Variants in CLIC4 observed in about 807,000 individuals in gnomAD.
CLIC4 encodes the protein chloride intracellular channel protein 4.
CLIC4 carries 13 observed loss-of-function variants against 24.6 expected under a neutral mutation model. That is an observed-to-expected ratio of 0.53 (90% CI 0.34 to 0.84). The LOEUF is 0.84. Ranked by LOEUF, CLIC4 falls within the 40% of genes least tolerant of loss-of-function variation. The pLI, the probability that CLIC4 is intolerant of heterozygous loss-of-function variation, is 0.01. For missense variants in CLIC4, 227 were observed against 301.7 expected (o/e 0.75, Z 1.83); for synonymous variants, 104 against 111.3 (o/e 0.93, Z 0.41).
At chr1:24,787,024 G>T (rs1639275668) in intron 1 of CLIC4, among the ~76,000 whole-genome samples, 1 of 151,918 alleles carries the variant, frequency 6.6e-6, no homozygotes, top group Non-Finnish European at 1.5e-5. Context: ...AGGCTCAAGT[G>T]ATCCTCCTGC....
At chr1:24,840,372 A>G (rs1639930614) in intron 5 of CLIC4, among the ~76,000 whole-genome samples, 1 of 152,208 alleles carries the variant, frequency 6.6e-6, no homozygotes, top group African/African-American at 2.4e-5. Flanking sequence ...ATTGAAGGCA[A>G]AAAGTATTGA....
rs116090012 is a variant in CLIC4, at chr1:24,819,177, C to T, written c.308+4958C>T. ...TTCTACTAAAATTCTACAAGCCTAT[C>T]CTCTACTATCCTTCCTGCCCTTCTA... is the stretch of plus-strand genomic sequence containing the variant. On this transcript the variant is annotated intron_variant, in intron 3 of 5. Coordinates refer to ENST00000374379, the MANE Select transcript of CLIC4 (RefSeq NM_013943.3). Among the ~76,000 whole-genome samples, 860 of 152,194 alleles carry T rather than the reference C, an allele frequency of 5.7e-3. 10 individuals are homozygous for T. The highest frequency in any genetic ancestry group is 0.02 in the African/African-American group (830 of 41,516).
chr1:24,837,182 G>C (rs1639894279), intron 4 of CLIC4, among the ~76,000 whole-genome samples: 1 of 151,942 alleles, frequency 6.6e-6, no homozygotes, highest in South Asian at 2.1e-4. Context: ...TCCTTGAAAA[G>C]AAAAATCAAG....
chr1:24,814,733 T>C (rs974652536), intron 3 of CLIC4, among the ~76,000 whole-genome samples: 6 of 152,240 alleles, frequency 3.9e-5, no homozygotes, highest in Admixed American at 6.5e-5. Context: ...GTGTTCCAGA[T>C]CTCTAGGTCC....
chr1:24,758,927 CAT>C (rs1557794971), intron 1 of CLIC4, among the ~76,000 whole-genome samples: 1 of 151,922 alleles, frequency 6.6e-6, no homozygotes, highest in African/African-American at 2.4e-5. Context: ...TGATATGTAA[CAT>C]GTATTGAATT....
At chr1:24,763,825 CTT>C (rs1317531654) in intron 1 of CLIC4, among the ~76,000 whole-genome samples, 2 of 152,152 alleles carry the variant, frequency 1.3e-5, no homozygotes, top group Non-Finnish European at 2.9e-5. Context: ...TTTCATGCCT[CTT>C]ATATGACTCT....
intron 3 of CLIC4, among the ~76,000 whole-genome samples, chr1:24,816,495 G>A (rs1639670654): frequency 6.6e-6 from 1 of 151,876 alleles, no homozygotes; most frequent in East Asian, 1.9e-4. Context: ...CGCCCGTCTC[G>A]GCCTCCCAAA....
At chr1:24,815,515 T>C (rs1363633731) in intron 3 of CLIC4, among the ~76,000 whole-genome samples, 2 of 152,038 alleles carry the variant, frequency 1.3e-5, no homozygotes, top group East Asian at 1.9e-4. Flanking sequence ...AAAAAAATCA[T>C]TGCTAAAAAA....
intron 1 of CLIC4, among the ~76,000 whole-genome samples, chr1:24,797,057 G>A (rs1272106423): frequency 6.6e-6 from 1 of 151,184 alleles, no homozygotes; most frequent in African/African-American, 2.4e-5. Flanking sequence ...GGGTTCAAGT[G>A]ATTCTCCTGC....
intron 1 of CLIC4, among the ~76,000 whole-genome samples, chr1:24,756,887 GT>G (rs997486535): frequency 3.4e-4 from 49 of 144,642 alleles, no homozygotes; most frequent in Non-Finnish European, 6.2e-4. Flanking sequence ...TGCCTGGCTA[GT>G]TTTTTTTTTA....
chr1:24,814,078 A>G lies in CLIC4; in HGVS notation c.183-16A>G, dbSNP rs373001614. On this transcript the variant is annotated splice_polypyrimidine_tract_variant and intron_variant, in intron 2 of 5. Transcript: ENST00000374379. Reference sequence around the variant, plus strand: ...GTAAAAAATGATCTGATTTTGACCAATATTTTGCCCAACAGGAAGCCAGCA... The same window carrying G: ...GTAAAAAATGATCTGATTTTGACCAGTATTTTGCCCAACAGGAAGCCAGCA... 2.1e-4 allele frequency: 332 copies of G among 1,612,744 alleles called. No homozygotes were observed. The highest frequency in any genetic ancestry group is 2.6e-4 in the Non-Finnish European group (306 of 1,179,886).
At chr1:24,823,722 G>A (rs188926120) in intron 3 of CLIC4, among the ~76,000 whole-genome samples, 34 of 144,670 alleles carry the variant, frequency 2.4e-4, no homozygotes, top group African/African-American at 5.6e-4. Context: ...TGCAGTGAGC[G>A]GAGATTGCGC....
intron 4 of CLIC4, among the ~76,000 whole-genome samples, chr1:24,827,878 C>G (rs1159654078): frequency 6.6e-6 from 1 of 151,770 alleles, no homozygotes. Flanking sequence ...TTCCTTTTCT[C>G]TTCGGGATGT....
intron 1 of CLIC4, among the ~76,000 whole-genome samples, chr1:24,752,868 G>A (rs4648874): frequency 0.32 from 48,681 of 151,946 alleles, 8,906 homozygotes; most frequent in Non-Finnish European, 0.41. Context: ...GACTACAGGC[G>A]CGTGCCACCA....
chr1:24,789,323 G>T (rs2124122121), intron 1 of CLIC4, among the ~76,000 whole-genome samples: 1 of 152,290 alleles, frequency 6.6e-6, no homozygotes, highest in African/African-American at 2.4e-5. Context: ...TTCAAGACCA[G>T]CCTGACCAAC....
At chr1:24,822,636 CTTA>C (rs1639747102) in intron 3 of CLIC4, among the ~76,000 whole-genome samples, 2 of 152,084 alleles carry the variant, frequency 1.3e-5, no homozygotes, top group Non-Finnish European at 2.9e-5. Context: ...AGTGCCTGCC[CTTA>C]CTTAATTCAG....
intron 1 of CLIC4, among the ~76,000 whole-genome samples, chr1:24,764,488 C>T (rs769083840): frequency 1.6e-4 from 25 of 151,828 alleles, no homozygotes; most frequent in Non-Finnish European, 2.9e-4. Context: ...ACCCTGTCTC[C>T]ACAAAAAATG....
intron 2 of CLIC4, among the ~76,000 whole-genome samples, chr1:24,800,928 G>A (rs951503512): frequency 1.1e-4 from 16 of 149,942 alleles, no homozygotes; most frequent in Non-Finnish European, 1.9e-4. Context: ...AAACACTGCG[G>A]AAGGCCGCAG....
At chr1:24,788,336 A>G (rs1469541670) in intron 1 of CLIC4, among the ~76,000 whole-genome samples, 1 of 152,174 alleles carries the variant, frequency 6.6e-6, no homozygotes, top group Non-Finnish European at 1.5e-5. Context: ...AAAAGAAACC[A>G]TGTACCCATT....
Sources: allele counts gnomAD v4.1 joint callset (sites outside exome capture counted in the v4.1 genomes callset), GRCh38; gene constraint gnomAD v4.1.1; transcripts MANE v1.5; gene names NCBI Gene and HGNC (gene_info 2026-07-23, HGNC 2026-07-21).